MAGI1: variants seen among roughly 807,000 people sequenced by gnomAD.
MAGI1 encodes the protein membrane-associated guanylate kinase, WW and PDZ domain-containing protein 1.
In MAGI1, 58 loss-of-function variants were observed where a neutral mutation model predicts 139.9. The ratio of observed to expected loss-of-function variants is 0.41; its 90% CI spans 0.34 to 0.52. The LOEUF (loss-of-function observed/expected upper bound fraction) is 0.52, where lower values mean the gene tolerates loss of function less well. Among genes scored for constraint, MAGI1 ranks in the 20% least tolerant of loss-of-function variants. MAGI1 has a pLI of 0.12. For synonymous variants in MAGI1, 812 were observed against 737.9 expected, an observed-to-expected ratio of 1.10 and a Z score of -1.63; for missense variants, 1,874 against 1,901.6, an observed-to-expected ratio of 0.99 and a Z score of 0.27.
chr3:65,651,290 A>C (rs2085565742), intron 1 of MAGI1, among the ~76,000 whole-genome samples: 1 of 152,196 alleles, frequency 6.6e-6, no homozygotes. Context: ...TCATATAAGA[A>C]GAACAAAACA....
intron 1 of MAGI1, chr3:65,902,653 C>G (rs549569105): frequency 6.5e-6 from 1 of 152,852 alleles, no homozygotes; most frequent in South Asian, 2.1e-4. Context: ...GCATCCAGGG[C>G]TCTTCCTGCA....
At chr3:65,602,441 A>G (rs1005851748) in intron 2 of MAGI1, among the ~76,000 whole-genome samples, 1 of 152,178 alleles carries the variant, frequency 6.6e-6, no homozygotes, top group Non-Finnish European at 1.5e-5. Context: ...AAGACACAAC[A>G]TGTCACATAT....
At chr3:65,440,049 G>C in intron 8 of MAGI1, 37 bp from the exon 9 acceptor site, 1 of 1,610,018 alleles carries the variant, frequency 6.2e-7, no homozygotes, top group Non-Finnish European at 8.5e-7. Flanking sequence ...GCTTGAAACA[G>C]TTCATCCCAC....
At chr3:65,600,182 T>C (rs1247907661) in intron 2 of MAGI1, among the ~76,000 whole-genome samples, 1 of 152,180 alleles carries the variant, frequency 6.6e-6, no homozygotes, top group Non-Finnish European at 1.5e-5. Flanking sequence ...CAGTACAAAT[T>C]AAATTGCTCT....
intron 2 of MAGI1, among the ~76,000 whole-genome samples, chr3:65,584,645 T>A (rs77696069): frequency 0.15 from 22,602 of 152,142 alleles, 1,879 homozygotes; most frequent in South Asian, 0.19. Flanking sequence ...TCAGTCTACC[T>A]AAAAATAAAT....
intron 18 of MAGI1, among the ~76,000 whole-genome samples, chr3:65,374,541 C>T (rs1056708081): frequency 6.6e-6 from 1 of 152,154 alleles, no homozygotes; most frequent in East Asian, 1.9e-4. Flanking sequence ...TGGTCTCAAA[C>T]TCCTGACCTC....
chr3:65,529,706 A>G (rs1365872948), intron 2 of MAGI1, among the ~76,000 whole-genome samples: 1 of 152,222 alleles, frequency 6.6e-6, no homozygotes, highest in Admixed American at 6.5e-5. Context: ...AATCTTTTCA[A>G]TTCTTATGAG....
chr3:65,564,111 T>C (rs1437353169), intron 2 of MAGI1, among the ~76,000 whole-genome samples: 4 of 152,156 alleles, frequency 2.6e-5, no homozygotes, highest in African/African-American at 9.7e-5. Context: ...CGCTTTCCCA[T>C]TGTTTCACTC....
intron 13 of MAGI1, among the ~76,000 whole-genome samples, chr3:65,396,254 C>T (rs1227612015): frequency 2.0e-5 from 3 of 152,150 alleles, no homozygotes; most frequent in African/African-American, 7.2e-5. Flanking sequence ...TGTCATTATG[C>T]TGATATTTTT....
chr3:65,778,448 ATAAAT>A (rs1207875543), intron 1 of MAGI1, among the ~76,000 whole-genome samples: 1 of 146,988 alleles, frequency 6.8e-6, no homozygotes, highest in East Asian at 2.0e-4. Context: ...AAAAAAATAA[ATAAAT>A]AAGTCTTTTG....
chr3:65,645,143 C>T (rs1002874001), intron 1 of MAGI1, among the ~76,000 whole-genome samples: 5 of 150,418 alleles, frequency 3.3e-5, no homozygotes, highest in African/African-American at 1.2e-4. Flanking sequence ...TAAACATTTA[C>T]TTAAAGAAAT....
chr3:65,974,686 T>A (rs1009966888), intron 1 of MAGI1, among the ~76,000 whole-genome samples: 1 of 152,166 alleles, frequency 6.6e-6, no homozygotes, highest in Non-Finnish European at 1.5e-5. Flanking sequence ...CTCATTCGCA[T>A]GGCTGTCAGC....
At chr3:66,033,349 G>A (rs2068744480) in intron 1 of MAGI1, among the ~76,000 whole-genome samples, 1 of 152,088 alleles carries the variant, frequency 6.6e-6, no homozygotes, top group Admixed American at 6.5e-5. Flanking sequence ...GTGGTGTGTG[G>A]GGGCCAGCTC....
At chr3:65,462,593 G>A (rs75923306) in intron 5 of MAGI1, among the ~76,000 whole-genome samples, 2,727 of 152,200 alleles carry the variant, frequency 0.018, 82 homozygotes, top group African/African-American at 0.06. Flanking sequence ...GATTGTCTTG[G>A]CTACATGCTC....
intron 1 of MAGI1, among the ~76,000 whole-genome samples, chr3:65,985,135 G>A (rs557501092): frequency 5.5e-4 from 83 of 152,284 alleles, no homozygotes; most frequent in African/African-American, 1.1e-3. Context: ...TGTGAGGAGC[G>A]AGATAGCCAT....
chr3:65,401,376 A>ACCCCCCCC, intron 13 of MAGI1, 63 bp downstream of exon 13: 3 of 406,674 alleles, frequency 7.4e-6, no homozygotes, highest in Non-Finnish European at 8.9e-6. Context: ...GTACCCTCCC[A>ACCCCCCCC]CCTCCAGCCC....
chr3:65,878,661 C>T (rs1458124087), intron 1 of MAGI1, among the ~76,000 whole-genome samples: 2 of 152,074 alleles, frequency 1.3e-5, no homozygotes, highest in East Asian at 3.8e-4. Flanking sequence ...AGATAAAGCA[C>T]ACCAGTGACA....
chr3:65,391,493 T>G, intron 13 of MAGI1, 135 bp from the exon 14 acceptor site: 1 of 675,682 alleles, frequency 1.5e-6, no homozygotes, highest in East Asian at 2.7e-5. Context: ...GCTCCCACCT[T>G]TCTCCAGCTA....
intron 13 of MAGI1, among the ~76,000 whole-genome samples, chr3:65,397,036 G>C (rs536103677): frequency 6.6e-6 from 1 of 152,206 alleles, no homozygotes; most frequent in African/African-American, 2.4e-5. Context: ...AGGCAGAGAA[G>C]GGGAGTTGCC....
Sources: gnomAD v4.1 joint callset for allele counts (sites outside exome capture counted in the v4.1 genomes callset) on GRCh38, gnomAD v4.1.1 for gene constraint, MANE v1.5 for transcripts, NCBI Gene and HGNC (gene_info 2026-07-23, HGNC 2026-07-21) for gene names.